The following GLT1D1 variants were observed in gnomAD, a reference collection of about 807,000 sequenced individuals.
GLT1D1 encodes the protein glycosyltransferase 1 domain containing 1.
GLT1D1 carries 21 observed loss-of-function variants against 28.7 expected under a neutral mutation model. The ratio of observed to expected loss-of-function variants is 0.73; its 90% confidence interval spans 0.52 to 1.05. The LOEUF is 1.05. GLT1D1 is among the 50% of genes least tolerant of loss of function. GLT1D1 has a pLI of 0.00. For synonymous variants in GLT1D1, 147 were observed against 124.8 expected (o/e 1.18, Z -1.19); for missense variants, 343 against 330.6 (o/e 1.04, Z -0.29).
At chr12:128,973,140 TA>T in intron 7 of GLT1D1, among the ~76,000 whole-genome samples, 1 of 151,416 alleles carries the variant, frequency 6.6e-6, no homozygotes, top group East Asian at 1.9e-4. Context: ...TAGGTAAAAT[TA>T]TGAAGTATTT....
intron 1 of GLT1D1, among the ~76,000 whole-genome samples, chr12:128,869,174 T>C (rs1342179087): frequency 6.6e-6 from 1 of 152,218 alleles, no homozygotes; most frequent in Non-Finnish European, 1.5e-5. Context: ...CAGCCTCGTT[T>C]ATTTTTTTCT....
chr12:128,894,679 AC>A (rs1869429776), intron 3 of GLT1D1, among the ~76,000 whole-genome samples: 1 of 151,614 alleles, frequency 6.6e-6, no homozygotes, highest in Non-Finnish European at 1.5e-5. Flanking sequence ...CCTCATCTCT[AC>A]TAAAAATACA....
chr12:128,917,379 G>A (rs554562829), intron 4 of GLT1D1, among the ~76,000 whole-genome samples: 3 of 152,190 alleles, frequency 2.0e-5, no homozygotes, highest in African/African-American at 7.2e-5. Context: ...GGCTTCAAGC[G>A]ATTCTCCTGC....
chr12:128,929,759 G>T (rs1365811051), intron 4 of GLT1D1, among the ~76,000 whole-genome samples: 3 of 152,140 alleles, frequency 2.0e-5, no homozygotes, highest in Non-Finnish European at 4.4e-5. Context: ...TCAGGAGTTT[G>T]ACACCAGCCT....
intron 7 of GLT1D1, among the ~76,000 whole-genome samples, chr12:128,973,177 TG>T (rs1879365861): frequency 1.5e-5 from 2 of 135,614 alleles, no homozygotes; most frequent in Non-Finnish European, 3.1e-5. Context: ...TTTGTTTGCT[TG>T]GTTTTTTTTT....
Position 128,983,037 on chromosome 12 carries a change from A to G in GLT1D1, c.748A>G (p.Arg250Gly). Reference sequence around the variant, plus strand: ...AATGTATCATTCATGGCAGGTGGAAAGAGACACCTACCAACAGCTCATCAG... The same window carrying G: ...AATGTATCATTCATGGCAGGTGGAAGGAGACACCTACCAACAGCTCATCAG... Residue 250 changes from arginine (R) to glycine (G), a missense_variant, in exon 8 of 8, where the codon AGA becomes GGA. Coordinates refer to ENST00000281703, the MANE Select transcript of GLT1D1 (RefSeq NM_144669.3). The surrounding 1 kb of genome is among the most constrained non-coding windows in gnomAD (Gnocchi z 4.7). 2 of 1,614,060 alleles carry G rather than the reference A, an allele frequency of 1.2e-6. No homozygotes were observed. The highest frequency in any genetic ancestry group is 1.7e-6 in the Non-Finnish European group (2 of 1,179,910).
chr12:128,918,008 T>G (rs966674321), intron 4 of GLT1D1, among the ~76,000 whole-genome samples: 2 of 152,262 alleles, frequency 1.3e-5, no homozygotes, highest in East Asian at 3.9e-4. Flanking sequence ...TACATGCACG[T>G]GTATGTTCAT....
At chr12:128,869,119 T>G (rs1956620564) in intron 1 of GLT1D1, among the ~76,000 whole-genome samples, 1 of 152,248 alleles carries the variant, frequency 6.6e-6, no homozygotes, top group African/African-American at 2.4e-5. Flanking sequence ...TCCGCCCGCC[T>G]TGGCCTCCCA....
intron 7 of GLT1D1, among the ~76,000 whole-genome samples, chr12:128,978,436 G>A (rs182035098): frequency 1.3e-5 from 2 of 152,268 alleles, no homozygotes; most frequent in African/African-American, 2.4e-5. Context: ...TCCTGTGTGC[G>A]GCATCGTCCT....
chr12:128,871,436 A>T (rs1956686891), intron 1 of GLT1D1, among the ~76,000 whole-genome samples: 1 of 152,220 alleles, frequency 6.6e-6, no homozygotes, highest in Admixed American at 6.5e-5. Context: ...TGGTAGGCTC[A>T]AGATACACGA....
intron 3 of GLT1D1, among the ~76,000 whole-genome samples, chr12:128,896,241 G>A (rs560629190): frequency 6.2e-4 from 95 of 152,200 alleles, no homozygotes; most frequent in Non-Finnish European, 1.1e-3. Context: ...TTTATAATGA[G>A]TAGAGGAGAA....
chr12:128,983,754 G>C lies in GLT1D1; in HGVS notation c.*664G>C, dbSNP rs1880547744. The C allele has an allele frequency of 6.6e-6, 1 of 152,322 alleles. No homozygotes were observed. Among genetic ancestry groups the C allele is most frequent in the Admixed American group, 6.5e-5 (1 of 15,296 alleles). The allele number at this position is 152,322 out of a possible 1,614,324, so 9.4% of individuals were successfully genotyped here. On this transcript the variant is annotated 3_prime_UTR_variant, in exon 8 of 8. Coordinates refer to ENST00000281703, the MANE Select transcript of GLT1D1 (RefSeq NM_144669.3). The surrounding 1 kb of genome is among the most constrained non-coding windows in gnomAD (Gnocchi z 4.7). The stretch of plus-strand genomic sequence containing the variant: ...TGAATTTGAGTGGAAAACCAGGAAG[G>C]AACAAGCGCCACGTCACGCATAGCC...
chr12:128,927,212 A>T, intron 4 of GLT1D1, 58 bp downstream of exon 8: 1 of 1,256,408 alleles, frequency 8.0e-7, no homozygotes. Context: ...TATACTTTTT[A>T]TGTATTTTCT....
chr12:128,973,184 T>G lies in GLT1D1; in HGVS notation c.640-9745T>G, dbSNP rs983559488. Among the ~76,000 whole-genome samples the G allele has an allele frequency of 5.7e-5, 6 of 104,434 alleles. No individual in the cohort carries two copies. In the South Asian group the frequency reaches 1.3e-3, roughly 23 times the overall value. The allele number at this position is 104,434 out of a possible 152,430, so 68.5% of individuals were successfully genotyped here. A position where few individuals can be genotyped will look rare whatever the true frequency, so the allele number is the denominator to read the frequency against. ...CTGTTTTGTTTGTTTGCTTGGTTTT[T>G]TTTTTTTTTTTTTTTTTTTTTTGAG... On this transcript the variant is annotated intron_variant, in intron 7 of 7. Transcript: ENST00000281703.
At chr12:128,980,803 C>T (rs1005884648) in intron 7 of GLT1D1, among the ~76,000 whole-genome samples, 7 of 152,198 alleles carry the variant, frequency 4.6e-5, no homozygotes, top group East Asian at 1.9e-4. Context: ...GCAAATTACC[C>T]GAACAAGTCA....
intron 7 of GLT1D1, among the ~76,000 whole-genome samples, chr12:128,974,433 T>G (rs2135549489): frequency 6.6e-6 from 1 of 152,272 alleles, no homozygotes; most frequent in African/African-American, 2.4e-5. Flanking sequence ...TCTCCGACGG[T>G]CAGTGACCCT....
intron 4 of GLT1D1, chr12:128,944,814 A>ATATG: frequency 4.1e-6 from 1 of 242,118 alleles, no homozygotes; most frequent in Non-Finnish European, 8.2e-6. Flanking sequence ...ATGTATATAT[A>ATATG]TATATAAAGT....
At chr12:128,959,215 A>G (rs1428421219) in intron 7 of GLT1D1, among the ~76,000 whole-genome samples, 1 of 151,680 alleles carries the variant, frequency 6.6e-6, no homozygotes, top group Non-Finnish European at 1.5e-5. Context: ...CAAAATCCAG[A>G]AAGTTATGCT....
At chr12:128,969,799 C>T (rs561036027) in intron 7 of GLT1D1, among the ~76,000 whole-genome samples, 7 of 152,324 alleles carry the variant, frequency 4.6e-5, no homozygotes, top group Non-Finnish European at 1.0e-4. Context: ...GGCATCTCTG[C>T]GTCATCCTGA....
Sources: allele counts gnomAD v4.1 joint callset (sites outside exome capture counted in the v4.1 genomes callset), GRCh38; gene constraint gnomAD v4.1.1; non-coding constraint Gnocchi (gnomAD v3.1); transcripts MANE v1.5; gene names NCBI Gene and HGNC (gene_info 2026-07-23, HGNC 2026-07-21).